The following GATB variants were observed in gnomAD, a reference collection of about 807,000 sequenced individuals.
GATB encodes the protein glutamyl-tRNA(Gln) amidotransferase subunit B, mitochondrial.
Under a neutral mutation model 62.3 loss-of-function variants are expected in GATB, and 39 were observed. The ratio of observed to expected loss-of-function variants is 0.63; its 90% CI spans 0.48 to 0.82. The LOEUF is 0.82. Ranked by LOEUF, GATB falls within the 40% of genes least tolerant of loss-of-function variation. GATB has a pLI of 0.00. For synonymous variants in GATB, 276 were observed against 258.9 expected (o/e 1.07, Z -0.63); for missense variants, 670 against 684.0 (o/e 0.98, Z 0.23).
intron 2 of GATB, among the ~76,000 whole-genome samples, chr4:151,731,928 CGCCGG>C (rs1739266062): frequency 1.3e-5 from 2 of 150,762 alleles, no homozygotes; most frequent in Non-Finnish European, 3.0e-5. Flanking sequence ...GGTCAGCCCC[CGCCGG>C]GCCAGCCGCC....
intron 2 of GATB, among the ~76,000 whole-genome samples, chr4:151,735,034 T>A (rs1739341895): frequency 6.6e-6 from 1 of 152,120 alleles, no homozygotes; most frequent in African/African-American, 2.4e-5. Flanking sequence ...AAGGATTTCA[T>A]GACCAAAAAC....
intron 9 of GATB, among the ~76,000 whole-genome samples, chr4:151,696,945 C>G (rs1336423599): frequency 6.6e-6 from 1 of 152,152 alleles, no homozygotes; most frequent in Non-Finnish European, 1.5e-5. Flanking sequence ...AATCCTAATG[C>G]CTGGATTTCA....
chr4:151,697,279 AC>A (rs1738488317), intron 9 of GATB, among the ~76,000 whole-genome samples: 1 of 152,274 alleles, frequency 6.6e-6, no homozygotes, highest in Admixed American at 6.5e-5. Context: ...GTATATCTAC[AC>A]AATGAAATAT....
At chr4:151,704,842 G>T (rs566695001) in intron 7 of GATB, among the ~76,000 whole-genome samples, 1 of 151,958 alleles carries the variant, frequency 6.6e-6, no homozygotes, top group Admixed American at 6.6e-5. Flanking sequence ...GCCGCCTCCC[G>T]GGTTCATGCC....
At chr4:151,711,770 TTG>T (rs1327449571) in intron 5 of GATB, among the ~76,000 whole-genome samples, 1 of 152,160 alleles carries the variant, frequency 6.6e-6, no homozygotes, top group Non-Finnish European at 1.5e-5. Context: ...GGACCTAGAG[TTG>T]GGTCTGGCAC....
intron 1 of GATB, among the ~76,000 whole-genome samples, chr4:151,759,941 C>A (rs1395531042): frequency 6.6e-6 from 1 of 152,122 alleles, no homozygotes; most frequent in Non-Finnish European, 1.5e-5. Context: ...AAAGTAGGAA[C>A]TCATTAGAAA....
At chr4:151,689,979 C>T (rs868561060) in intron 9 of GATB, among the ~76,000 whole-genome samples, 1 of 152,126 alleles carries the variant, frequency 6.6e-6, no homozygotes, top group Non-Finnish European at 1.5e-5. Flanking sequence ...AGAGGATATA[C>T]GTTTTAAGTA....
chr4:151,720,209 A>G (rs1739000616), intron 2 of GATB: 1 of 152,230 alleles, frequency 6.6e-6, no homozygotes, highest in Non-Finnish European at 1.5e-5. Flanking sequence ...GTGAATGACC[A>G]AGAAATGGCT....
intron 9 of GATB, among the ~76,000 whole-genome samples, chr4:151,697,967 A>ATATATATGTGTG (rs1738516806): frequency 2.9e-5 from 3 of 101,872 alleles, no homozygotes; most frequent in South Asian, 4.1e-4. Flanking sequence ...ATATATATAT[A>ATATATATGTGTG]TATATATATA....
intron 10 of GATB, among the ~76,000 whole-genome samples, chr4:151,684,726 A>T (rs926388059): frequency 1.3e-5 from 2 of 152,198 alleles, no homozygotes; most frequent in Admixed American, 6.5e-5. Flanking sequence ...TTAAACTGTA[A>T]AACACAACTG....
chr4:151,735,764 A>G (rs181070191), intron 2 of GATB, among the ~76,000 whole-genome samples: 2 of 144,444 alleles, frequency 1.4e-5, no homozygotes, highest in African/African-American at 5.3e-5. Context: ...ATATGATGGA[A>G]TACTACTCAG....
At chr4:151,717,281 C>A in intron 3 of GATB, 1 of 575,442 alleles carries the variant, frequency 1.7e-6, no homozygotes. Context: ...CACCCCTTCA[C>A]CCTCCCCAAA....
At chr4:151,696,585 C>T (rs764803651) in intron 9 of GATB, among the ~76,000 whole-genome samples, 1 of 152,134 alleles carries the variant, frequency 6.6e-6, no homozygotes, top group Non-Finnish European at 1.5e-5. Context: ...AGTTATTGAA[C>T]CAAAGAGGTT....
At chr4:151,676,874 G>A (rs1336193457) in intron 11 of GATB, among the ~76,000 whole-genome samples, 1 of 152,168 alleles carries the variant, frequency 6.6e-6, no homozygotes, top group Non-Finnish European at 1.5e-5. Context: ...CTGGGAGGAG[G>A]GTGCAGTGAA....
chr4:151,696,230 C>T (rs376099953), intron 9 of GATB, among the ~76,000 whole-genome samples: 1 of 152,128 alleles, frequency 6.6e-6, no homozygotes, highest in Non-Finnish European at 1.5e-5. Context: ...TTTTCATTGG[C>T]GTTGACTGAT....
chr4:151,681,337 A>G (rs771724451), intron 10 of GATB, among the ~76,000 whole-genome samples: 7 of 152,224 alleles, frequency 4.6e-5, no homozygotes, highest in Non-Finnish European at 2.9e-5. Flanking sequence ...ATTCCAAGTG[A>G]AACTTAGGTT....
intron 2 of GATB, among the ~76,000 whole-genome samples, chr4:151,747,694 A>G (rs373653970): frequency 1.3e-5 from 2 of 152,256 alleles, no homozygotes; most frequent in African/African-American, 4.8e-5. Context: ...AGGGATGCAG[A>G]CTTCTCATCA....
At chr4:151,690,024 A>G (rs1267705221) in intron 9 of GATB, among the ~76,000 whole-genome samples, 1 of 152,218 alleles carries the variant, frequency 6.6e-6, no homozygotes. Flanking sequence ...TTCAAATCAA[A>G]CAAACTTTTC....
chr4:151,716,054 G>T lies in GATB; in HGVS notation c.718C>A (p.Gln240Lys). ...EEAATAVREL[Q>K]LILQALGTSQ... ...GTCCCCAGGGCTTGAAGGATCAGCT[G>T]CAGCTCCCTGACAGCTGTTGCCGCC... Residue 240 changes from glutamine (Q) to lysine (K), a missense_variant, in exon 5 of 13, where the codon CAG becomes AAG. By Grantham distance (53) the Gln-to-Lys change is moderately conservative. Coordinates refer to ENST00000263985, the MANE Select transcript of GATB (RefSeq NM_004564.3). 1 of 1,614,010 alleles carries T rather than the reference G, an allele frequency of 6.2e-7. No homozygotes were observed. Among genetic ancestry groups the T allele is most frequent in the Non-Finnish European group, 8.5e-7 (1 of 1,179,970 alleles).
Sources: allele counts gnomAD v4.1 joint callset (sites outside exome capture counted in the v4.1 genomes callset), GRCh38; gene constraint gnomAD v4.1.1; transcripts MANE v1.5; gene names NCBI Gene and HGNC (gene_info 2026-07-23, HGNC 2026-07-21).